TCF20: variants seen among roughly 807,000 people sequenced by gnomAD.
The protein encoded by TCF20 is SPRE-binding protein.
TCF20 carries 3 observed loss-of-function variants against 148.6 expected under a neutral mutation model. That is an observed-to-expected ratio of 0.02 (90% CI 0.01 to 0.05). The LOEUF is 0.05. Among genes scored for constraint, TCF20 ranks in the 10% least tolerant of loss-of-function variants. TCF20 has a pLI of 1.00. For synonymous variants in TCF20, 1,049 were observed against 909.5 expected (o/e 1.15, Z -2.76); for missense variants, 2,350 against 2,429.3 (o/e 0.97, Z 0.69).
intron 1 of TCF20, among the ~76,000 whole-genome samples, chr22:42,241,342 C>G (rs1003650884): frequency 9.9e-5 from 15 of 152,122 alleles, no homozygotes; most frequent in Admixed American, 5.9e-4. Flanking sequence ...CAAAGGAACT[C>G]CAAATACTGG....
intron 1 of TCF20, among the ~76,000 whole-genome samples, chr22:42,283,768 G>T (rs1272229545): frequency 6.6e-6 from 1 of 151,750 alleles, no homozygotes; most frequent in Non-Finnish European, 1.5e-5. Context: ...CGGCGGGCAC[G>T]CCTCGCACGC....
At chr22:42,283,509 C>A (rs1926957854) in intron 1 of TCF20, among the ~76,000 whole-genome samples, 1 of 152,200 alleles carries the variant, frequency 6.6e-6, no homozygotes, top group Non-Finnish European at 1.5e-5. Flanking sequence ...CGAGCAGCCC[C>A]CTCGGGCCCC....
chr22:42,167,160 C>T (rs562885195), intron 5 of TCF20, among the ~76,000 whole-genome samples: 4 of 152,320 alleles, frequency 2.6e-5, no homozygotes, highest in African/African-American at 9.6e-5. Context: ...CCCACCTCCC[C>T]ACTTTGCTCT....
chr22:42,305,328 A>G (rs1436493937), intron 1 of TCF20, among the ~76,000 whole-genome samples: 1 of 152,080 alleles, frequency 6.6e-6, no homozygotes, highest in African/African-American at 2.4e-5. Context: ...TGGCACTGCC[A>G]TCCACCTGGG....
intron 3 of TCF20, among the ~76,000 whole-genome samples, chr22:42,173,922 T>C (rs957769094): frequency 7.9e-5 from 12 of 152,136 alleles, no homozygotes; most frequent in African/African-American, 2.9e-4. Flanking sequence ...CACCAACTTC[T>C]GTTAAATAGA....
chr22:42,278,183 C>T (rs964994713), intron 1 of TCF20: 1 of 152,220 alleles, frequency 6.6e-6, no homozygotes, highest in Non-Finnish European at 1.5e-5. Context: ...TGCCTGCGGC[C>T]GTCTGGTGAA....
At chr22:42,168,997 C>T (rs2147055252) in intron 4 of TCF20, among the ~76,000 whole-genome samples, 1 of 152,054 alleles carries the variant, frequency 6.6e-6, no homozygotes, top group African/African-American at 2.4e-5. Flanking sequence ...CGCCCTTCCC[C>T]AGAAATAATT....
upstream of TCF20, among the ~76,000 whole-genome samples, chr22:42,275,350 A>G (rs1234967056): frequency 6.6e-6 from 1 of 152,144 alleles, no homozygotes; most frequent in African/African-American, 2.4e-5. Flanking sequence ...ATCGACTTAC[A>G]CATCTTCCCC....
intron 2 of TCF20, among the ~76,000 whole-genome samples, chr22:42,208,366 C>T (rs561029056): frequency 2.0e-5 from 3 of 152,192 alleles, no homozygotes; most frequent in East Asian, 3.9e-4. Context: ...GTGGCACATG[C>T]CTATAATCCT....
intron 2 of TCF20, among the ~76,000 whole-genome samples, chr22:42,188,574 T>C (rs1016884340): frequency 6.6e-6 from 1 of 152,096 alleles, no homozygotes; most frequent in Non-Finnish European, 1.5e-5. Flanking sequence ...AGTAGAAACA[T>C]GGGTTGGATG....
intron 1 of TCF20, among the ~76,000 whole-genome samples, chr22:42,315,496 A>C (rs1927612631): frequency 6.6e-6 from 1 of 152,220 alleles, no homozygotes; most frequent in Non-Finnish European, 1.5e-5. Flanking sequence ...CAGGAAGAGC[A>C]ACATCCACTC....
At chr22:42,325,604 G>A (rs1601707760) in intron 1 of TCF20, among the ~76,000 whole-genome samples, 2 of 152,322 alleles carry the variant, frequency 1.3e-5, no homozygotes, top group South Asian at 4.1e-4. Context: ...CCTTCGGCCT[G>A]GGCATTGTGC....
intron 1 of TCF20, among the ~76,000 whole-genome samples, chr22:42,221,938 C>T (rs943173568): frequency 4.6e-5 from 7 of 151,792 alleles, no homozygotes; most frequent in Non-Finnish European, 8.8e-5. Flanking sequence ...CAGGGTTTCA[C>T]CGTGTTAGCC....
At chr22:42,223,750 G>GT in intron 1 of TCF20, among the ~76,000 whole-genome samples, 1 of 152,290 alleles carries the variant, frequency 6.6e-6, no homozygotes. Flanking sequence ...AGATATATCT[G>GT]TAACACCTGT....
chr22:42,168,568 G>C, intron 5 of TCF20, 41 bp downstream of exon 5: 2 of 1,538,402 alleles, frequency 1.3e-6, no homozygotes, highest in Non-Finnish European at 1.7e-6. Flanking sequence ...CGCCTGCTGG[G>C]AGCCGGGCAG....
At chr22:42,235,646 A>G (rs2147291441) in intron 1 of TCF20, among the ~76,000 whole-genome samples, 1 of 152,334 alleles carries the variant, frequency 6.6e-6, no homozygotes, top group Non-Finnish European at 1.5e-5. Context: ...CTGTTGGAAA[A>G]AGTACTACAT....
intron 1 of TCF20, among the ~76,000 whole-genome samples, chr22:42,221,739 G>GGTTTTTTTTTTT (rs1922375184): frequency 1.1e-5 from 1 of 92,820 alleles, no homozygotes; most frequent in Admixed American, 1.3e-4. Flanking sequence ...ATGGCAAAGG[G>GGTTTTTTTTTTT]TTTTTTTTTT....
chr22:42,264,323 T>C (rs1020305883), intron 1 of TCF20, among the ~76,000 whole-genome samples: 3 of 152,000 alleles, frequency 2.0e-5, no homozygotes, highest in African/African-American at 7.3e-5. Flanking sequence ...AACCAGAGAA[T>C]GTTTCCTACA....
intron 1 of TCF20, among the ~76,000 whole-genome samples, chr22:42,248,145 G>C (rs544656870): frequency 6.6e-6 from 1 of 152,182 alleles, no homozygotes; most frequent in Admixed American, 6.5e-5. Context: ...TGTGAAGGGA[G>C]AACAGGGCTG....
Sources: allele counts gnomAD v4.1 joint callset (sites outside exome capture counted in the v4.1 genomes callset), GRCh38; gene constraint gnomAD v4.1.1; transcripts MANE v1.5; gene names NCBI Gene and HGNC (gene_info 2026-07-23, HGNC 2026-07-21).